Variants in PCDHGA6 observed in about 807,000 individuals in gnomAD.
PCDHGA6 encodes protocadherin gamma subfamily A, 6.
A neutral mutation model predicts 60.6 loss-of-function variants in PCDHGA6; 41 were observed. The ratio of observed to expected loss-of-function variants is 0.68; its 90% CI spans 0.53 to 0.88. The LOEUF (loss-of-function observed/expected upper bound fraction) is 0.88, where lower values mean the gene tolerates loss of function less well. Among genes scored for constraint, PCDHGA6 ranks in the 40% least tolerant of loss-of-function variants. The pLI, the probability that PCDHGA6 is intolerant of heterozygous loss-of-function variation, is 0.00. For synonymous variants in PCDHGA6, 594 were observed against 524.4 expected (o/e 1.13, Z -1.81); for missense variants, 1,312 against 1,203.0 (o/e 1.09, Z -1.34).
chr5:141,392,955 A>G, intron 1 of PCDHGA6: 1 of 1,613,920 alleles, frequency 6.2e-7, no homozygotes, highest in Non-Finnish European at 8.5e-7. Flanking sequence ...CGTGGGTAAT[A>G]TCTCCAAGGA....
intron 1 of PCDHGA6, chr5:141,378,290 C>G (rs544518611): frequency 6.6e-6 from 1 of 152,232 alleles, no homozygotes; most frequent in Non-Finnish European, 1.5e-5. Flanking sequence ...TTTGGGAGGC[C>G]AAGGCAGGCA....
At chr5:141,449,380 G>C (rs1011160817) in intron 1 of PCDHGA6, among the ~76,000 whole-genome samples, 3 of 151,950 alleles carry the variant, frequency 2.0e-5, no homozygotes, top group African/African-American at 7.3e-5. Flanking sequence ...GCTGAGGCAG[G>C]TGGATTACTT....
chr5:141,486,091 G>A lies in PCDHGA6; in HGVS notation c.2425-8716G>A, dbSNP rs2099624256. On this transcript the variant is annotated intron_variant, in intron 1 of 3. Coordinates refer to ENST00000517434, the MANE Select transcript of PCDHGA6 (RefSeq NM_018919.3). This position sits in a 1 kb window ranked among gnomAD's most constrained non-coding sequence, Gnocchi z 5.0. ...CTACTGGAAAGCTTACTCTTTTGGGGCCCCTAGACTTTGAGAGTGAGAATT... is the reference window on the plus strand; with the variant it reads ...CTACTGGAAAGCTTACTCTTTTGGGACCCCTAGACTTTGAGAGTGAGAATT... 2 of 1,614,158 alleles carry A rather than the reference G, an allele frequency of 1.2e-6. No homozygotes were observed. Among genetic ancestry groups the A allele is most frequent in the Non-Finnish European group, 1.7e-6 (2 of 1,180,024 alleles).
chr5:141,505,418 A>T lies in PCDHGA6; in HGVS notation c.2509A>T (p.Thr837Ser). 1 of 1,614,186 alleles carries T rather than the reference A, an allele frequency of 6.2e-7. No homozygotes were observed. Among genetic ancestry groups the T allele is most frequent in the East Asian group, 2.2e-5 (1 of 44,876 alleles). The change falls in exon 3 of 4, where the codon ACC becomes TCC. Residue 837 changes from threonine to serine, a missense_variant. By Grantham distance (58) the Thr-to-Ser change is moderately conservative. Coordinates refer to ENST00000517434, the MANE Select transcript of PCDHGA6 (RefSeq NM_018919.3). ...SGSQNGDDTG[T>S]WPNNQFDTEM... ...CTCCCAAAATGGCGATGACACCGGC[A>T]CCTGGCCCAACAACCAGTTTGACAC...
Position 141,477,707 on chromosome 5 carries a change from C to T in PCDHGA6, c.2425-17100C>T. ...AGTGCCCCTAGACTATGAGGATCGG[C>T]GGGAATTTGAATTAACAGCTCATAT... On this transcript the variant is annotated intron_variant, in intron 1 of 3. Transcript: ENST00000517434. The surrounding 1 kb of genome is among the most constrained non-coding windows in gnomAD (Gnocchi z 4.9). 6.2e-7 allele frequency: 1 copy of T among 1,613,952 alleles called. No individual in the cohort carries two copies. Among genetic ancestry groups the T allele is most frequent in the South Asian group, 1.1e-5 (1 of 91,086 alleles).
chr5:141,394,410 A>G, intron 1 of PCDHGA6: 1 of 1,614,210 alleles, frequency 6.2e-7, no homozygotes, highest in Non-Finnish European at 8.5e-7. Context: ...GCTACTGGTA[A>G]CAGCCAGCGA....
rs1403163275 is a variant in PCDHGA6 at position 141,441,708 on chromosome 5, A to T, written c.2425-53099A>T. ...AGAGCAGCCGCGAGCCTTCAAGCTC[A>T]CGCTGCAGGCCCGCGACCAGGACTA... On this transcript the variant is annotated intron_variant, in intron 1 of 3. Coordinates refer to ENST00000517434, the MANE Select transcript of PCDHGA6 (RefSeq NM_018919.3). 2.8e-5 allele frequency: 9 copies of T among 319,492 alleles called. No homozygotes were observed. In the East Asian group the frequency reaches 1.0e-3, roughly 37 times the overall value. 19.8% of individuals were successfully genotyped at this position (319,492 alleles called of 1,614,324 possible).
intron 1 of PCDHGA6, among the ~76,000 whole-genome samples, chr5:141,484,764 A>G (rs1469048336): frequency 6.6e-6 from 1 of 151,806 alleles, no homozygotes; most frequent in African/African-American, 2.4e-5. Flanking sequence ...ATATATATAT[A>G]TGTTGTCTGC....
chr5:141,428,757 G>T (rs1216855355), intron 1 of PCDHGA6: 1 of 154,176 alleles, frequency 6.5e-6, no homozygotes, highest in Non-Finnish European at 1.4e-5. Context: ...CTTCAGGTTT[G>T]TTTGCCCACT....
intron 1 of PCDHGA6, chr5:141,419,989 T>C (rs778087109): frequency 4.1e-5 from 66 of 1,613,962 alleles, no homozygotes; most frequent in Non-Finnish European, 5.2e-5. Context: ...TGATTCTAGC[T>C]ATTGCTCTAC....
At chr5:141,481,762 GC>G (rs1307001837) in intron 1 of PCDHGA6, among the ~76,000 whole-genome samples, 1 of 152,126 alleles carries the variant, frequency 6.6e-6, no homozygotes, top group Admixed American at 6.5e-5. Context: ...GACCAGCCTG[GC>G]CAACATGGTG....
intron 1 of PCDHGA6, chr5:141,393,547 C>T (rs761723933): frequency 4.3e-6 from 7 of 1,613,938 alleles, no homozygotes; most frequent in South Asian, 1.1e-5. Flanking sequence ...TTTCCTCACC[C>T]GATTTACCGA....
At chr5:141,420,086 TAC>T (rs1396904191) in intron 1 of PCDHGA6, 2 of 1,614,002 alleles carry the variant, frequency 1.2e-6, no homozygotes, top group Non-Finnish European at 1.7e-6. Context: ...TCCCCCCAAC[TAC>T]AGTGAGGGAA....
At position 141,449,665 on chromosome 5, in the gene PCDHGA6, G is replaced by T. The variant is rs144213743; in HGVS notation, c.2425-45142G>T. 9.3e-5 allele frequency among the ~76,000 whole-genome samples: 14 copies of T among 150,156 alleles called. No individual in the cohort carries two copies. In the East Asian group the frequency reaches 2.7e-3, roughly 29 times the overall value. Reference sequence around the variant, plus strand: ...TATACATATTTACATACACACCCAAGTGTGTATGTATATATGTTTGTGTGT... The same window carrying T: ...TATACATATTTACATACACACCCAATTGTGTATGTATATATGTTTGTGTGT... On this transcript the variant is annotated intron_variant, in intron 1 of 3. Coordinates refer to ENST00000517434, the MANE Select transcript of PCDHGA6 (RefSeq NM_018919.3).
Position 141,376,117 on chromosome 5 carries a change from C to G in PCDHGA6, c.2034C>G (p.Leu678=). The stretch of plus-strand genomic sequence containing the variant: ...ACATCCTGGCCGACCTGGGCAGCCT[C>G]GAGCCCTCCGCCAAACCCAACGATT... ...IPDILADLGS[L]EPSAKPNDSD... is the part of the protein sequence containing the mutation. The change falls in exon 1 of 4, where the codon CTC becomes CTG. Residue 678 remains leucine (L), a synonymous_variant. Transcript: ENST00000517434. 1 of 1,613,848 alleles carries G rather than the reference C, an allele frequency of 6.2e-7. No homozygotes were observed. Among genetic ancestry groups the G allele is most frequent in the Non-Finnish European group, 8.5e-7 (1 of 1,179,938 alleles).
At chr5:141,417,503 TAA>T in intron 1 of PCDHGA6, 1 of 229,962 alleles carries the variant, frequency 4.3e-6, no homozygotes, top group East Asian at 9.7e-5. Flanking sequence ...GGAAAAAGAT[TAA>T]AATATTTTGG....
At chr5:141,412,561 T>G (rs1183372771) in intron 1 of PCDHGA6, 3 of 152,184 alleles carry the variant, frequency 2.0e-5, no homozygotes, top group Admixed American at 6.5e-5. Context: ...TCTCATGAGT[T>G]TATTTAATAT....
At chr5:141,393,619 C>G (rs768350628) in intron 1 of PCDHGA6, 2 of 1,613,826 alleles carry the variant, frequency 1.2e-6, no homozygotes, top group Non-Finnish European at 1.7e-6. Flanking sequence ...GCCAGCGACC[C>G]GGATGAGGGA....
intron 1 of PCDHGA6, 190 bp downstream of exon 1, chr5:141,376,697 T>G (rs1773235579): frequency 1.5e-6 from 1 of 652,042 alleles, no homozygotes; most frequent in Non-Finnish European, 2.4e-6. Flanking sequence ...TTTTTTTTTT[T>G]GAGACGGAGT....
Sources: allele counts gnomAD v4.1 joint callset (sites outside exome capture counted in the v4.1 genomes callset), GRCh38; gene constraint gnomAD v4.1.1; non-coding constraint Gnocchi (gnomAD v3.1); transcripts MANE v1.5; gene names NCBI Gene and HGNC (gene_info 2026-07-23, HGNC 2026-07-21).